The following GRID2 variants were observed in gnomAD, a reference collection of about 807,000 sequenced individuals.
GRID2 encodes glutamate ionotropic receptor delta type subunit 2.
In GRID2, 33 loss-of-function variants were observed where a neutral mutation model predicts 114.8. That is an observed-to-expected ratio of 0.29 (90% CI 0.22 to 0.38). The LOEUF (loss-of-function observed/expected upper bound fraction) is 0.38, where lower values mean the gene tolerates loss of function less well. GRID2 is among the 10% of genes least tolerant of loss of function. The pLI is 1.00. For missense variants in GRID2, 1,184 were observed against 1,257.7 expected, an observed-to-expected ratio of 0.94 and a Z score of 0.89; for synonymous variants, 505 against 449.9, an observed-to-expected ratio of 1.12 and a Z score of -1.55.
At chr4:92,364,636 A>G (rs902086884) in intron 1 of GRID2, among the ~76,000 whole-genome samples, 1 of 152,064 alleles carries the variant, frequency 6.6e-6, no homozygotes, top group Non-Finnish European at 1.5e-5. Flanking sequence ...CTGTGGTTAA[A>G]GAGACTTACT....
intron 1 of GRID2, among the ~76,000 whole-genome samples, chr4:92,434,706 G>A (rs1035017209): frequency 6.6e-6 from 1 of 151,802 alleles, no homozygotes; most frequent in African/African-American, 2.4e-5. Flanking sequence ...TTTGAAAAAT[G>A]AATAGCAAAT....
intron 8 of GRID2, among the ~76,000 whole-genome samples, chr4:93,392,773 T>G (rs1206825915): frequency 6.6e-6 from 1 of 152,068 alleles, no homozygotes; most frequent in African/African-American, 2.4e-5. Context: ...AGATCACATT[T>G]ATGAAAAAGA....
At chr4:93,034,822 A>G (rs1724769909) in intron 2 of GRID2, among the ~76,000 whole-genome samples, 1 of 152,152 alleles carries the variant, frequency 6.6e-6, no homozygotes, top group Admixed American at 6.6e-5. Flanking sequence ...CTAGTCTCAG[A>G]GTCTCTCCAT....
At chr4:92,420,071 A>G (rs976665336) in intron 1 of GRID2, among the ~76,000 whole-genome samples, 1 of 152,082 alleles carries the variant, frequency 6.6e-6, no homozygotes, top group Non-Finnish European at 1.5e-5. Flanking sequence ...GTTTGCAGTG[A>G]AGGGATTTTA....
intron 6 of GRID2, among the ~76,000 whole-genome samples, 187 bp from the exon 7 acceptor site, chr4:93,224,427 A>G (rs942402610): frequency 6.6e-6 from 1 of 152,174 alleles, no homozygotes; most frequent in African/African-American, 2.4e-5. Flanking sequence ...GAGGCATACA[A>G]TCAGACAAGA....
chr4:92,595,176 C>T (rs1386204048), intron 2 of GRID2, among the ~76,000 whole-genome samples: 1 of 151,866 alleles, frequency 6.6e-6, no homozygotes, highest in Non-Finnish European at 1.5e-5. Flanking sequence ...TATAAAGTCA[C>T]AAATGATTCT....
intron 13 of GRID2, among the ~76,000 whole-genome samples, chr4:93,524,817 A>ATG (rs1219101409): frequency 0.011 from 652 of 59,184 alleles, 6 homozygotes; most frequent in African/African-American, 0.071. Flanking sequence ...ATATATATGT[A>ATG]TGTATGTATA....
chr4:93,614,237 G>T (rs1236182546), intron 13 of GRID2, among the ~76,000 whole-genome samples: 2 of 152,212 alleles, frequency 1.3e-5, no homozygotes. Context: ...GATGAACCTG[G>T]TACCTCAGAT....
intron 4 of GRID2, among the ~76,000 whole-genome samples, chr4:93,156,971 A>T (rs1333798111): frequency 6.6e-6 from 1 of 151,826 alleles, no homozygotes; most frequent in Non-Finnish European, 1.5e-5. Flanking sequence ...GACACAATTA[A>T]GCATCATATA....
At chr4:92,863,320 C>T (rs1744653528) in intron 2 of GRID2, among the ~76,000 whole-genome samples, 1 of 152,104 alleles carries the variant, frequency 6.6e-6, no homozygotes, top group Admixed American at 6.6e-5. Context: ...CCTCTCTGTA[C>T]TGTACCTACC....
chr4:93,700,136 T>A (rs1284835006), intron 14 of GRID2, among the ~76,000 whole-genome samples: 1 of 152,158 alleles, frequency 6.6e-6, no homozygotes, highest in Non-Finnish European at 1.5e-5. Flanking sequence ...AATTCCCTTT[T>A]GTCTCACTTT....
intron 1 of GRID2, among the ~76,000 whole-genome samples, chr4:92,429,899 T>G (rs1279372027): frequency 6.6e-6 from 1 of 152,188 alleles, no homozygotes; most frequent in Non-Finnish European, 1.5e-5. Flanking sequence ...TTTGTATATC[T>G]TCTTTTGAGA....
Position 93,643,132 on chromosome 4 carries a change from C to T in GRID2, c.2360+16697C>T, listed in dbSNP as rs1419283177. Among the ~76,000 whole-genome samples, 10 of 25,532 alleles carry T rather than the reference C, an allele frequency of 3.9e-4. 4 individuals carry two copies. Among genetic ancestry groups the T allele is most frequent in the Non-Finnish European group, 5.1e-4 (8 of 15,572 alleles). The allele number at this position is 25,532 out of a possible 152,430, so 16.7% of individuals were successfully genotyped here. A position where few individuals can be genotyped will look rare whatever the true frequency, so the allele number is the denominator to read the frequency against. On this transcript the variant is annotated intron_variant, in intron 14 of 15. Coordinates refer to ENST00000282020, the MANE Select transcript of GRID2 (RefSeq NM_001510.4). Reference sequence around the variant, plus strand: ...GCTCCTGAGGCTTCTGCATTCTTCACGTAGTTCTCGAGCCTTCGTTTTCAG... The same window carrying T: ...GCTCCTGAGGCTTCTGCATTCTTCATGTAGTTCTCGAGCCTTCGTTTTCAG...
downstream of GRID2, among the ~76,000 whole-genome samples, chr4:93,777,858 A>G (rs4619859): frequency 0.41 from 62,426 of 152,000 alleles, 13,303 homozygotes; most frequent in East Asian, 0.76. Flanking sequence ...CAAGCTTTAA[A>G]TTGTTATATT....
At chr4:92,918,895 T>C (rs1175406506) in intron 2 of GRID2, among the ~76,000 whole-genome samples, 2 of 152,204 alleles carry the variant, frequency 1.3e-5, no homozygotes, top group Non-Finnish European at 2.9e-5. Context: ...TCCCTCTTTT[T>C]CTATTGATTG....
intron 1 of GRID2, among the ~76,000 whole-genome samples, chr4:92,458,231 C>T (rs760069897): frequency 5.3e-5 from 8 of 152,142 alleles, no homozygotes; most frequent in Non-Finnish European, 8.8e-5. Context: ...TAATTAGTCT[C>T]TATGATAGGC....
At chr4:93,326,999 A>T (rs1310436170) in intron 8 of GRID2, among the ~76,000 whole-genome samples, 3 of 152,016 alleles carry the variant, frequency 2.0e-5, no homozygotes, top group Non-Finnish European at 4.4e-5. Context: ...ATTTTTTGAT[A>T]TCTTAATGGC....
chr4:92,879,069 A>G (rs2149454883), intron 2 of GRID2, among the ~76,000 whole-genome samples: 1 of 152,326 alleles, frequency 6.6e-6, no homozygotes, highest in African/African-American at 2.4e-5. Flanking sequence ...AACTGTTAAA[A>G]GCATATAGAA....
chr4:92,583,703 A>ATT (rs200241015), intron 1 of GRID2, among the ~76,000 whole-genome samples: 112 of 123,862 alleles, frequency 9.0e-4, no homozygotes, highest in African/African-American at 3.1e-3. Context: ...TATACATATA[A>ATT]TTTATATATA....
Sources: allele counts gnomAD v4.1 joint callset (sites outside exome capture counted in the v4.1 genomes callset), GRCh38; gene constraint gnomAD v4.1.1; transcripts MANE v1.5; gene names NCBI Gene and HGNC (gene_info 2026-07-23, HGNC 2026-07-21).